The following PLPPR1 variants were observed in gnomAD, a reference collection of about 807,000 sequenced individuals.
The protein encoded by PLPPR1 is phospholipid phosphatase-related protein type 1.
PLPPR1 carries 10 observed loss-of-function variants against 33.1 expected under a neutral mutation model. The ratio of observed to expected loss-of-function variants is 0.30; its 90% confidence interval spans 0.19 to 0.51. The LOEUF is 0.51. PLPPR1 is among the 20% of genes least tolerant of loss of function. The pLI, the probability that PLPPR1 is intolerant of heterozygous loss-of-function variation, is 0.97. For synonymous variants in PLPPR1, 151 were observed against 151.0 expected, an observed-to-expected ratio of 1.00 and a Z score of 0.00; for missense variants, 304 against 408.1, an observed-to-expected ratio of 0.74 and a Z score of 2.20.
In PLPPR1 at chr9:101,227,501, T is replaced by G. The variant is rs555356803; in HGVS notation, c.63+41944T>G. Among the ~76,000 whole-genome samples, 3 of 152,248 alleles carry G rather than the reference T, an allele frequency of 2.0e-5. No homozygotes were observed. The East Asian group carries it at 5.8e-4, about 29-fold the overall frequency. ...CCTTTTGCCCACTTTTTAATGGGGT[T>G]TTTTTCTTGTAAATCCATTTAAGTT... On this transcript the variant is annotated intron_variant, in intron 2 of 7. Transcript: ENST00000374874.
At chr9:101,063,560 C>G (rs1830371593) in intron 1 of PLPPR1, among the ~76,000 whole-genome samples, 1 of 152,088 alleles carries the variant, frequency 6.6e-6, no homozygotes, top group Admixed American at 6.6e-5. Flanking sequence ...TAGACATTCT[C>G]TGGTAGAACA....
chr9:101,258,396 T>A (rs1031782996), intron 2 of PLPPR1, among the ~76,000 whole-genome samples: 7 of 152,148 alleles, frequency 4.6e-5, no homozygotes, highest in Non-Finnish European at 8.8e-5. Flanking sequence ...AACTTCATCT[T>A]TATATTTCTC....
intron 1 of PLPPR1, among the ~76,000 whole-genome samples, chr9:101,180,135 TATATATATACACACACAC>T (rs1564167585): frequency 5.4e-4 from 22 of 41,052 alleles, no homozygotes; most frequent in African/African-American, 1.7e-3. Flanking sequence ...TATATATATA[TATATATATACACACACAC>T]ACACACACAT....
At chr9:101,180,871 A>G (rs1178224826) in intron 1 of PLPPR1, among the ~76,000 whole-genome samples, 1 of 152,020 alleles carries the variant, frequency 6.6e-6, no homozygotes, top group East Asian at 1.9e-4. Flanking sequence ...AAGCACAAGC[A>G]AAATATAAAC....
chr9:101,243,346 C>A lies in PLPPR1; in HGVS notation c.64-26534C>A, dbSNP rs185327670. Among the ~76,000 whole-genome samples, 45 of 151,970 alleles carry A rather than the reference C, an allele frequency of 3.0e-4. 1 individual carries two copies. The highest frequency in any genetic ancestry group is 1.1e-3 in the African/African-American group (45 of 41,494). On this transcript the variant is annotated intron_variant, in intron 2 of 7. Transcript: ENST00000374874. ...TGGACTCTTCTGGACCAGAGCAAGA[C>A]CCAAAGTTGGGAATCTAGCTAAGAG... is the stretch of plus-strand genomic sequence containing the variant.
intron 1 of PLPPR1, among the ~76,000 whole-genome samples, chr9:101,124,643 C>A (rs1395653472): frequency 6.6e-6 from 1 of 152,168 alleles, no homozygotes; most frequent in Non-Finnish European, 1.5e-5. Context: ...ACAGGGAAAG[C>A]AAATCAAGGC....
intron 2 of PLPPR1, among the ~76,000 whole-genome samples, chr9:101,248,184 T>C (rs1308369626): frequency 6.6e-6 from 1 of 152,026 alleles, no homozygotes; most frequent in Admixed American, 6.6e-5. Flanking sequence ...AAATGATCTT[T>C]CACACACTGA....
At chr9:101,109,312 A>T (rs1831021460) in intron 1 of PLPPR1, among the ~76,000 whole-genome samples, 1 of 151,892 alleles carries the variant, frequency 6.6e-6, no homozygotes, top group African/African-American at 2.4e-5. Context: ...GGGGTCCTGA[A>T]ATCAAATAGT....
At chr9:101,246,099 T>TAGATAG (rs1285268174) in intron 2 of PLPPR1, among the ~76,000 whole-genome samples, 47 of 110,148 alleles carry the variant, frequency 4.3e-4, no homozygotes, top group Non-Finnish European at 5.5e-4. Flanking sequence ...TATATATATA[T>TAGATAG]ATATATATAT....
intron 4 of PLPPR1, among the ~76,000 whole-genome samples, chr9:101,294,776 A>G (rs1252568234): frequency 5.9e-5 from 9 of 152,098 alleles, no homozygotes; most frequent in Admixed American, 5.9e-4. Flanking sequence ...AACTCTCAAT[A>G]AATTAGGTAT....
At chr9:101,131,823 G>C (rs555791888) in intron 1 of PLPPR1, among the ~76,000 whole-genome samples, 4 of 152,322 alleles carry the variant, frequency 2.6e-5, no homozygotes, top group Middle Eastern at 3.4e-3. Context: ...CAGATTACCT[G>C]GGTTCAGTTT....
At chr9:101,053,650 G>A (rs1163358279) in intron 1 of PLPPR1, among the ~76,000 whole-genome samples, 1 of 152,188 alleles carries the variant, frequency 6.6e-6, no homozygotes, top group Non-Finnish European at 1.5e-5. Context: ...CTGTCTGTAT[G>A]TTGAATGAAT....
intron 1 of PLPPR1, among the ~76,000 whole-genome samples, chr9:101,126,850 G>A (rs4743444): frequency 0.64 from 96,436 of 151,860 alleles, 31,617 homozygotes; most frequent in Non-Finnish European, 0.73. Context: ...CTGCCTTATC[G>A]TCTGTTTGAA....
intron 2 of PLPPR1, among the ~76,000 whole-genome samples, chr9:101,190,547 T>A (rs1002022683): frequency 1.3e-5 from 2 of 151,982 alleles, no homozygotes; most frequent in Non-Finnish European, 2.9e-5. Flanking sequence ...ATGAGCAGAG[T>A]TTTGACTTGG....
intron 2 of PLPPR1, among the ~76,000 whole-genome samples, chr9:101,260,301 A>G (rs764951774): frequency 9.2e-5 from 14 of 152,184 alleles, no homozygotes; most frequent in Non-Finnish European, 1.8e-4. Flanking sequence ...AATCATAGCT[A>G]TACCTTAGGA....
chr9:101,262,008 T>C (rs567029718), intron 2 of PLPPR1, among the ~76,000 whole-genome samples: 1 of 152,144 alleles, frequency 6.6e-6, no homozygotes, highest in Non-Finnish European at 1.5e-5. Context: ...GATATAGCTC[T>C]GTATTTAACT....
At chr9:101,278,027 G>A (rs147906076) in intron 3 of PLPPR1, among the ~76,000 whole-genome samples, 11 of 152,210 alleles carry the variant, frequency 7.2e-5, no homozygotes, top group African/African-American at 2.4e-4. Flanking sequence ...TCCAAAGCCC[G>A]CATTCAGGAA....
At chr9:101,167,896 C>T (rs1449291438) in intron 1 of PLPPR1, among the ~76,000 whole-genome samples, 1 of 152,176 alleles carries the variant, frequency 6.6e-6, no homozygotes, top group Non-Finnish European at 1.5e-5. Context: ...TTAATTGACT[C>T]ACAGTTCCAC....
At chr9:101,299,787 C>T (rs12377942) in intron 4 of PLPPR1, among the ~76,000 whole-genome samples, 3 of 152,160 alleles carry the variant, frequency 2.0e-5, no homozygotes, top group African/African-American at 7.2e-5. Flanking sequence ...TCAGCACTCT[C>T]GACATTCTCT....
Sources: allele counts gnomAD v4.1 joint callset (sites outside exome capture counted in the v4.1 genomes callset), GRCh38; gene constraint gnomAD v4.1.1; transcripts MANE v1.5; gene names NCBI Gene and HGNC (gene_info 2026-07-23, HGNC 2026-07-21).